Variants in RABGAP1L observed in about 807,000 individuals in gnomAD.
The protein encoded by RABGAP1L is RAB GTPase activating protein 1 like.
In RABGAP1L, 63 loss-of-function variants were observed where a neutral mutation model predicts 137.7. The ratio of observed to expected loss-of-function variants is 0.46; its 90% confidence interval spans 0.37 to 0.56. The LOEUF is 0.56. RABGAP1L is among the 20% of genes least tolerant of loss of function. The pLI, the probability that RABGAP1L is intolerant of heterozygous loss-of-function variation, is 0.00. For synonymous variants in RABGAP1L, 431 were observed against 433.7 expected (o/e 0.99, Z 0.08); for missense variants, 1,095 against 1,244.0 (o/e 0.88, Z 1.80).
intron 21 of RABGAP1L, among the ~76,000 whole-genome samples, chr1:174,970,211 C>T (rs12089375): frequency 0.14 from 21,540 of 152,072 alleles, 5,049 homozygotes; most frequent in African/African-American, 0.49. Context: ...GAGTCAGAAC[C>T]AAAGAAGGTA....
At chr1:174,634,546 T>G (rs200217947) in intron 13 of RABGAP1L, among the ~76,000 whole-genome samples, 10,161 of 140,706 alleles carry the variant, frequency 0.072, 457 homozygotes, top group Middle Eastern at 0.19. Flanking sequence ...TATACCCAAA[T>G]GACTATAAAT....
chr1:174,366,344 A>G (rs1477761529), intron 11 of RABGAP1L, among the ~76,000 whole-genome samples: 2 of 152,082 alleles, frequency 1.3e-5, no homozygotes, highest in African/African-American at 2.4e-5. Context: ...TTACTAACCA[A>G]ATTTTCAGAT....
chr1:174,612,403 A>C (rs1671342250), intron 13 of RABGAP1L, among the ~76,000 whole-genome samples: 1 of 152,220 alleles, frequency 6.6e-6, no homozygotes, highest in Non-Finnish European at 1.5e-5. Context: ...CCAGGGATGA[A>C]GCCCACTTGA....
intron 7 of RABGAP1L, among the ~76,000 whole-genome samples, chr1:174,261,331 A>G (rs6681390): frequency 0.59 from 89,354 of 152,000 alleles, 29,218 homozygotes; most frequent in African/African-American, 0.89. Context: ...CTTCTAAATG[A>G]CAGTGATCAT....
Position 174,990,247 on chromosome 1 carries a change from A to C in RABGAP1L, c.*246A>C. The C allele has an allele frequency of 2.8e-6, 1 of 361,772 alleles. No individual in the cohort carries two copies. The highest frequency in any genetic ancestry group is 4.9e-6 in the Non-Finnish European group (1 of 205,954). 22.4% of individuals were successfully genotyped at this position (361,772 alleles called of 1,614,324 possible). On this transcript the variant is annotated 3_prime_UTR_variant, in exon 26 of 26. Transcript: ENST00000681986. ...GTTCAGATCCATCATAGTATTACAC[A>C]TTATTTTGTTTGCCTGATGTTTAGT... is the stretch of plus-strand genomic sequence containing the variant.
chr1:174,571,082 C>G (rs1382711262), intron 13 of RABGAP1L, among the ~76,000 whole-genome samples: 1 of 151,952 alleles, frequency 6.6e-6, no homozygotes, highest in Non-Finnish European at 1.5e-5. Flanking sequence ...GGAGTACTAG[C>G]CAGACATAAA....
intron 18 of RABGAP1L, among the ~76,000 whole-genome samples, chr1:174,811,601 T>C (rs555194657): frequency 3.9e-4 from 60 of 152,244 alleles, no homozygotes; most frequent in Non-Finnish European, 6.8e-4. Context: ...TTCAGTATGT[T>C]AGTTTGTTCA....
At chr1:174,805,325 TACTTTTA>T (rs1284627726) in intron 18 of RABGAP1L, among the ~76,000 whole-genome samples, 1 of 152,254 alleles carries the variant, frequency 6.6e-6, no homozygotes, top group Non-Finnish European at 1.5e-5. Flanking sequence ...TAAATGACTT[TACTTTTA>T]TCTTTTTATA....
intron 19 of RABGAP1L, among the ~76,000 whole-genome samples, chr1:174,942,172 A>T (rs1263968865): frequency 6.6e-6 from 1 of 152,212 alleles, no homozygotes; most frequent in Non-Finnish European, 1.5e-5. Flanking sequence ...TAGTGCAAAG[A>T]CACACTGGGA....
At chr1:174,615,344 A>G (rs566082094) in intron 13 of RABGAP1L, among the ~76,000 whole-genome samples, 138 of 152,310 alleles carry the variant, frequency 9.1e-4, no homozygotes, top group African/African-American at 3.2e-3. Context: ...TGTCCACTCC[A>G]GACCCTATTT....
intron 19 of RABGAP1L, among the ~76,000 whole-genome samples, chr1:174,817,669 A>T (rs2148875937): frequency 6.6e-6 from 1 of 152,328 alleles, no homozygotes; most frequent in Non-Finnish European, 1.5e-5. Flanking sequence ...TAGGAGACAT[A>T]AATTATCAGG....
chr1:174,550,927 T>C lies in RABGAP1L; in HGVS notation c.1711-86448T>C, dbSNP rs11801646. 9.1e-4 allele frequency among the ~76,000 whole-genome samples: 87 copies of C among 95,530 alleles called. 2 individuals carry two copies. Among genetic ancestry groups the C allele is most frequent in the Middle Eastern group, 5.8e-3 (1 of 172 alleles). The allele number at this position is 95,530 out of a possible 152,430, so 62.7% of individuals were successfully genotyped here. ...ACACATATACACACACACACATATA[T>C]ATATACACATATATATACACACATA... On this transcript the variant is annotated intron_variant, in intron 13 of 25. Transcript: ENST00000681986.
At chr1:174,211,761 A>T (rs1236189129) in intron 1 of RABGAP1L, among the ~76,000 whole-genome samples, 1 of 152,198 alleles carries the variant, frequency 6.6e-6, no homozygotes, top group African/African-American at 2.4e-5. Flanking sequence ...AGACACACAT[A>T]GACTGAAAAT....
intron 11 of RABGAP1L, among the ~76,000 whole-genome samples, chr1:174,306,453 C>T (rs896158566): frequency 1.3e-5 from 2 of 152,118 alleles, no homozygotes; most frequent in South Asian, 4.1e-4. Flanking sequence ...TAACGATCGC[C>T]ATTCTAACTG....
intron 23 of RABGAP1L, among the ~76,000 whole-genome samples, chr1:174,981,778 A>G (rs1671154398): frequency 6.6e-6 from 1 of 151,922 alleles, no homozygotes; most frequent in African/African-American, 2.4e-5. Context: ...GAAAGCACCT[A>G]TTTCTACCAT....
In RABGAP1L at chr1:174,270,667, AAAAG is replaced by A. The variant is rs569382657; in HGVS notation, c.987-1741_987-1738del. Among the ~76,000 whole-genome samples the A allele has an allele frequency of 1.8e-4, 28 of 152,226 alleles. No individual in the cohort carries two copies. The South Asian group carries it at 1.9e-3, about 10-fold the overall frequency. On this transcript the variant is annotated intron_variant, in intron 7 of 25. Coordinates refer to ENST00000681986, the MANE Select transcript of RABGAP1L (RefSeq NM_001366446.1). ...ATCCTTTAAATTTTCAAAAAGAACA[AAAAG>A]AAAGAGAGTATACTTTCCAAACTGT...
intron 13 of RABGAP1L, among the ~76,000 whole-genome samples, chr1:174,472,257 A>G (rs1658023547): frequency 6.6e-6 from 1 of 152,230 alleles, no homozygotes; most frequent in Admixed American, 6.5e-5. Context: ...GTGTGGCATC[A>G]GGAAAGACAG....
At chr1:174,360,509 T>C (rs1008576107) in intron 11 of RABGAP1L, among the ~76,000 whole-genome samples, 3 of 152,184 alleles carry the variant, frequency 2.0e-5, no homozygotes, top group African/African-American at 7.2e-5. Flanking sequence ...GCAGGAAAAG[T>C]CAACACTAAT....
rs1425025120 is a variant in RABGAP1L, at chr1:174,846,858, G to A, written c.2340+34898G>A. ...AGTCTCCCATTATTAATGTGTGGGA[G>A]TCTAAGTCTCTTTGTAGGTCACTCA... On this transcript the variant is annotated intron_variant, in intron 19 of 25. Transcript: ENST00000681986. Among the ~76,000 whole-genome samples, 72 of 40,360 alleles carry A rather than the reference G, an allele frequency of 1.8e-3. 3 individuals are homozygous for A. Among genetic ancestry groups the A allele is most frequent in the Admixed American group, 6.2e-3 (17 of 2,736 alleles). The allele number at this position is 40,360 out of a possible 152,430, so 26.5% of individuals were successfully genotyped here. A position where few individuals can be genotyped will look rare whatever the true frequency, so the allele number is the denominator to read the frequency against.
Sources: allele counts gnomAD v4.1 joint callset (sites outside exome capture counted in the v4.1 genomes callset), GRCh38; gene constraint gnomAD v4.1.1; transcripts MANE v1.5; gene names NCBI Gene and HGNC (gene_info 2026-07-23, HGNC 2026-07-21).